The following INPP4B variants were observed in gnomAD, a reference collection of about 807,000 sequenced individuals.
INPP4B encodes the protein inositol polyphosphate 4-phosphatase type II.
A neutral mutation model predicts 122.5 loss-of-function variants in INPP4B; 55 were observed. The observed-to-expected ratio is 0.45, with a 90% CI of 0.36 to 0.56. The LOEUF is 0.56. Ranked by LOEUF, INPP4B falls within the 20% of genes least tolerant of loss-of-function variation. The probability of loss-of-function intolerance (pLI) is 0.00; values close to 1 mark genes in which losing one functional copy is unlikely to be tolerated. For missense variants in INPP4B, 1,000 were observed against 1,097.7 expected (o/e 0.91, Z 1.26); for synonymous variants, 403 against 388.7 (o/e 1.04, Z -0.43).
In INPP4B at chr4:142,403,648, C is replaced by T. The variant is rs1431351596; in HGVS notation, c.256-594G>A. On this transcript the variant is annotated intron_variant, in intron 6 of 25. Coordinates refer to ENST00000262992, the MANE Select transcript of INPP4B (RefSeq NM_001101669.3). ...TCAGGATGCAGTGCACAGGATATTT[C>T]AATGCCTCAGAATTCATTTTTAGAG... 2.6e-5 allele frequency among the ~76,000 whole-genome samples: 4 copies of T among 152,074 alleles called. No individual in the cohort carries two copies. The East Asian group carries it at 7.7e-4, about 29-fold the overall frequency.
chr4:142,287,936 T>C (rs1270941608), intron 9 of INPP4B, among the ~76,000 whole-genome samples: 1 of 152,222 alleles, frequency 6.6e-6, no homozygotes, highest in African/African-American at 2.4e-5. Context: ...GCTCTCTTCC[T>C]GGCTTGCCAG....
intron 21 of INPP4B, 108 bp from the exon 22 acceptor site, chr4:142,112,790 G>A: frequency 1.0e-6 from 1 of 980,830 alleles, no homozygotes; most frequent in Non-Finnish European, 1.5e-6. Context: ...CACTGATTTA[G>A]GTTTCTGTTG....
chr4:142,402,378 G>A (rs1488883033), intron 7 of INPP4B, among the ~76,000 whole-genome samples: 1 of 152,204 alleles, frequency 6.6e-6, no homozygotes. Flanking sequence ...ATGCAGACCA[G>A]TTAGGAAGAT....
rs78752187 is a variant in INPP4B at position 142,376,534 on chromosome 4, C to T, written c.372+26404G>A. Among the ~76,000 whole-genome samples, 828 of 152,074 alleles carry T rather than the reference C, an allele frequency of 5.4e-3. 3 individuals carry two copies. Among genetic ancestry groups the T allele is most frequent in the African/African-American group, 0.019 (793 of 41,526 alleles). On this transcript the variant is annotated intron_variant, in intron 7 of 25. Coordinates refer to ENST00000262992, the MANE Select transcript of INPP4B (RefSeq NM_001101669.3). ...ATCCACTGACTCTCTGAGCTTGATG[C>T]GTTATCTAACACAGTTACTCTAGAC...
chr4:142,269,866 T>C (rs1435314123), intron 10 of INPP4B, among the ~76,000 whole-genome samples: 2 of 152,178 alleles, frequency 1.3e-5, no homozygotes, highest in African/African-American at 4.8e-5. Flanking sequence ...TTTTTTAAAA[T>C]GCTCATTTAT....
chr4:142,192,412 G>C (rs1474357215), intron 15 of INPP4B, among the ~76,000 whole-genome samples: 1 of 144,380 alleles, frequency 6.9e-6, no homozygotes, highest in Non-Finnish European at 1.5e-5. Context: ...TTCATACCTG[G>C]ATAATGCACT....
chr4:142,677,429 G>A (rs1266184873), intron 2 of INPP4B, among the ~76,000 whole-genome samples: 1 of 152,014 alleles, frequency 6.6e-6, no homozygotes, highest in Non-Finnish European at 1.5e-5. Context: ...GTGGAAGACA[G>A]CATGGTGATT....
chr4:142,807,453 G>C (rs1779002821), intron 1 of INPP4B, among the ~76,000 whole-genome samples: 1 of 152,166 alleles, frequency 6.6e-6, no homozygotes, highest in South Asian at 2.1e-4. Flanking sequence ...GTATGGGAGG[G>C]GGAGGGCAAT....
intron 18 of INPP4B, among the ~76,000 whole-genome samples, chr4:142,137,152 G>A (rs951606136): frequency 1.3e-5 from 2 of 152,210 alleles, no homozygotes; most frequent in African/African-American, 4.8e-5. Flanking sequence ...AGGCTACAGT[G>A]ACCAAAACAG....
chr4:142,784,406 AAT>A, intron 1 of INPP4B, among the ~76,000 whole-genome samples: 3 of 150,090 alleles, frequency 2.0e-5, no homozygotes, highest in Non-Finnish European at 4.5e-5. Context: ...TAAATAAATA[AAT>A]AAAAATTAAA....
At chr4:142,222,949 C>T (rs968631439) in intron 12 of INPP4B, among the ~76,000 whole-genome samples, 3 of 152,172 alleles carry the variant, frequency 2.0e-5, no homozygotes, top group African/African-American at 7.2e-5. Context: ...TGGTTCTTTA[C>T]ATAAATGTTA....
chr4:142,720,772 T>TATATA (rs1560996515), intron 2 of INPP4B, among the ~76,000 whole-genome samples: 1 of 10,754 alleles, frequency 9.3e-5, no homozygotes, highest in Admixed American at 1.4e-3. Context: ...TCTCTCTCTC[T>TATATA]CTCTCTCTCT....
intron 7 of INPP4B, among the ~76,000 whole-genome samples, chr4:142,335,423 T>C (rs1776257764): frequency 6.6e-6 from 1 of 152,188 alleles, no homozygotes; most frequent in South Asian, 2.1e-4. Context: ...TCTTATCTTT[T>C]AGAATTTAGC....
chr4:142,789,059 A>C (rs1776164674), intron 1 of INPP4B, among the ~76,000 whole-genome samples: 1 of 152,216 alleles, frequency 6.6e-6, no homozygotes, highest in Non-Finnish European at 1.5e-5. Context: ...ACTCTCAGCA[A>C]AATCAGGATA....
At chr4:142,529,285 C>G (rs943186271) in intron 2 of INPP4B, among the ~76,000 whole-genome samples, 1 of 152,016 alleles carries the variant, frequency 6.6e-6, no homozygotes, top group Non-Finnish European at 1.5e-5. Context: ...TGTGTAGTAT[C>G]AAAGGATAAT....
intron 1 of INPP4B, among the ~76,000 whole-genome samples, chr4:142,806,737 C>G (rs1270849325): frequency 7.9e-6 from 1 of 125,918 alleles, no homozygotes; most frequent in African/African-American, 3.0e-5. Context: ...GAGCAAGACC[C>G]TGTTAAAAAA....
intron 2 of INPP4B, among the ~76,000 whole-genome samples, chr4:142,712,402 T>C (rs1763224066): frequency 6.6e-6 from 1 of 152,206 alleles, no homozygotes. Flanking sequence ...CCCTACAAGA[T>C]GCAGATACCT....
intron 2 of INPP4B, among the ~76,000 whole-genome samples, chr4:142,656,253 C>G (rs115473108): frequency 1.3e-3 from 195 of 152,260 alleles, no homozygotes; most frequent in African/African-American, 4.4e-3. Context: ...TTTTGCTCAC[C>G]CTTTAAACTG....
At chr4:142,437,989 C>T (rs534797188) in intron 3 of INPP4B, among the ~76,000 whole-genome samples, 18 of 152,028 alleles carry the variant, frequency 1.2e-4, no homozygotes, top group African/African-American at 4.3e-4. Flanking sequence ...CTATTTTAAA[C>T]AATTGAAAAA....
Sources: allele counts gnomAD v4.1 joint callset (sites outside exome capture counted in the v4.1 genomes callset), GRCh38; gene constraint gnomAD v4.1.1; transcripts MANE v1.5; gene names NCBI Gene and HGNC (gene_info 2026-07-23, HGNC 2026-07-21).